WDR70: variants seen among roughly 807,000 people sequenced by gnomAD.
The protein encoded by WDR70 is WD repeat-containing protein 70.
A neutral mutation model predicts 88.6 loss-of-function variants in WDR70; 53 were observed. The ratio of observed to expected loss-of-function variants is 0.60; its 90% confidence interval spans 0.48 to 0.75. The LOEUF is 0.75. Ranked by LOEUF, WDR70 falls within the 30% of genes least tolerant of loss-of-function variation. The pLI, the probability that WDR70 is intolerant of heterozygous loss-of-function variation, is 0.00. For synonymous variants in WDR70, 280 were observed against 270.0 expected, an observed-to-expected ratio of 1.04 and a Z score of -0.36; for missense variants, 610 against 823.2, an observed-to-expected ratio of 0.74 and a Z score of 3.17.
At chr5:37,666,848 C>CCTTA (rs1346182528) in intron 10 of WDR70, among the ~76,000 whole-genome samples, 1 of 152,158 alleles carries the variant, frequency 6.6e-6, no homozygotes, top group African/African-American at 2.4e-5. Context: ...GGGTAACTAA[C>CCTTA]CTTACCTTTC....
At chr5:37,720,820 G>A (rs1259085128) in intron 13 of WDR70, among the ~76,000 whole-genome samples, 3 of 152,152 alleles carry the variant, frequency 2.0e-5, no homozygotes, top group Admixed American at 6.5e-5. Flanking sequence ...CCAGCCTCAC[G>A]TGGTAATGGA....
intron 5 of WDR70, among the ~76,000 whole-genome samples, chr5:37,429,583 G>A (rs1301564417): frequency 6.6e-6 from 1 of 151,924 alleles, no homozygotes. Context: ...TTTGAGTATT[G>A]TTTGTTTAAA....
intron 5 of WDR70, among the ~76,000 whole-genome samples, chr5:37,421,311 A>G (rs1266779130): frequency 6.6e-6 from 1 of 152,168 alleles, no homozygotes; most frequent in Non-Finnish European, 1.5e-5. Flanking sequence ...AACTGTGAAC[A>G]GTCTTTGGTT....
chr5:37,422,581 G>A (rs570233067), intron 5 of WDR70, among the ~76,000 whole-genome samples: 11 of 152,172 alleles, frequency 7.2e-5, no homozygotes, highest in African/African-American at 2.6e-4. Context: ...GGGTTCAAGT[G>A]ATTCTTGTGC....
At chr5:37,673,558 C>T (rs1160827155) in intron 10 of WDR70, among the ~76,000 whole-genome samples, 2 of 149,538 alleles carry the variant, frequency 1.3e-5, no homozygotes, top group African/African-American at 2.5e-5. Flanking sequence ...ACTTCATGAG[C>T]GCCTGCTATT....
chr5:37,504,766 T>C (rs1381116806), intron 8 of WDR70, among the ~76,000 whole-genome samples: 3 of 152,240 alleles, frequency 2.0e-5, no homozygotes, highest in Non-Finnish European at 2.9e-5. Context: ...ACTAAAGATA[T>C]GTCATTCTCC....
At chr5:37,671,585 T>G (rs1746026780) in intron 10 of WDR70, among the ~76,000 whole-genome samples, 1 of 152,224 alleles carries the variant, frequency 6.6e-6, no homozygotes, top group African/African-American at 2.4e-5. Flanking sequence ...TTTTCTCTAT[T>G]TTCAGACAGT....
At chr5:37,390,218 G>A (rs920649472) in intron 3 of WDR70, among the ~76,000 whole-genome samples, 13 of 147,778 alleles carry the variant, frequency 8.8e-5, no homozygotes, top group Non-Finnish European at 1.6e-4. Flanking sequence ...TCTTTCTAGA[G>A]TAAACAACTC....
intron 10 of WDR70, chr5:37,688,007 G>A (rs745725288): frequency 4.5e-6 from 3 of 660,214 alleles, no homozygotes; most frequent in East Asian, 2.8e-5. Flanking sequence ...TAACTTTTAA[G>A]GTTCTTTATC....
At chr5:37,379,993 C>T (rs1748374788) in intron 2 of WDR70, among the ~76,000 whole-genome samples, 1 of 152,164 alleles carries the variant, frequency 6.6e-6, no homozygotes. Flanking sequence ...CATCAAAAAA[C>T]TTGTTCCAGG....
intron 9 of WDR70, among the ~76,000 whole-genome samples, chr5:37,570,194 C>A (rs1271356529): frequency 6.6e-6 from 1 of 152,006 alleles, no homozygotes; most frequent in African/African-American, 2.4e-5. Flanking sequence ...GCAAAATTGA[C>A]AGGACATAGG....
intron 17 of WDR70, among the ~76,000 whole-genome samples, chr5:37,730,164 T>A (rs1186626946): frequency 2.0e-5 from 3 of 152,134 alleles, no homozygotes; most frequent in Non-Finnish European, 2.9e-5. Flanking sequence ...ACAACCAACT[T>A]TTATCACAAA....
chr5:37,720,409 A>C (rs1157309178), intron 13 of WDR70, among the ~76,000 whole-genome samples: 1 of 152,136 alleles, frequency 6.6e-6, no homozygotes, highest in Non-Finnish European at 1.5e-5. Flanking sequence ...AATTAAAAAC[A>C]GGTTATAGTT....
rs185139729 is a variant in WDR70, at chr5:37,570,013, G to T, written c.918-35051G>T. ...AGAGTATGATTAGAAACCAGGTTAT[G>T]CAAGATGCTATAAGACATACTATTG... On this transcript the variant is annotated intron_variant, in intron 9 of 17. Transcript: ENST00000265107. Among the ~76,000 whole-genome samples the T allele has an allele frequency of 2.3e-3, 345 of 152,260 alleles. 2 individuals carry two copies. The highest frequency in any genetic ancestry group is 8.0e-3 in the African/African-American group (331 of 41,560).
chr5:37,617,553 G>T (rs1031782590), intron 10 of WDR70, among the ~76,000 whole-genome samples: 2 of 152,196 alleles, frequency 1.3e-5, no homozygotes, highest in African/African-American at 4.8e-5. Context: ...ATGGGAGTGG[G>T]TGAAGTAGGT....
chr5:37,567,900 C>T (rs1742789876), intron 9 of WDR70, among the ~76,000 whole-genome samples: 1 of 152,072 alleles, frequency 6.6e-6, no homozygotes. Flanking sequence ...AAAACTAGGC[C>T]ACATAGTCTA....
At chr5:37,549,754 T>G (rs530660300) in intron 9 of WDR70, among the ~76,000 whole-genome samples, 80 of 152,348 alleles carry the variant, frequency 5.3e-4, no homozygotes, top group Admixed American at 4.1e-3. Flanking sequence ...TCCTATTCAG[T>G]ATGATACTAG....
At chr5:37,566,183 G>A (rs1411736945) in intron 9 of WDR70, among the ~76,000 whole-genome samples, 1 of 152,016 alleles carries the variant, frequency 6.6e-6, no homozygotes, top group Non-Finnish European at 1.5e-5. Flanking sequence ...ATGCATTAAA[G>A]GTGAAACGAA....
chr5:37,743,741 C>T (rs1214461197), intron 17 of WDR70, among the ~76,000 whole-genome samples: 1 of 152,196 alleles, frequency 6.6e-6, no homozygotes, highest in East Asian at 1.9e-4. Context: ...ATAACTCCAG[C>T]CAGAGGCTCA....
Sources: gnomAD v4.1 joint callset for allele counts (sites outside exome capture counted in the v4.1 genomes callset) on GRCh38, gnomAD v4.1.1 for gene constraint, MANE v1.5 for transcripts, NCBI Gene and HGNC (gene_info 2026-07-23, HGNC 2026-07-21) for gene names.